CUBN: variants seen among roughly 807,000 people sequenced by gnomAD.
The protein encoded by CUBN is cubilin.
A neutral mutation model predicts 405.3 loss-of-function variants in CUBN; 282 were observed. The observed-to-expected ratio is 0.70, with a 90% CI of 0.63 to 0.77. The LOEUF (loss-of-function observed/expected upper bound fraction) is 0.77, where lower values mean the gene tolerates loss of function less well. Among genes scored for constraint, CUBN ranks in the 30% least tolerant of loss-of-function variants. CUBN has a pLI of 0.00. For synonymous variants in CUBN, 1,684 were observed against 1,617.0 expected, an observed-to-expected ratio of 1.04 and a Z score of -0.99; for missense variants, 4,514 against 4,475.2, an observed-to-expected ratio of 1.01 and a Z score of -0.25.
At chr10:16,860,488 A>G (rs1839982938) in intron 59 of CUBN, among the ~76,000 whole-genome samples, 1 of 152,342 alleles carries the variant, frequency 6.6e-6, no homozygotes, top group South Asian at 2.1e-4. Flanking sequence ...AAAATAAAAA[A>G]GAGCAAAACT....
chr10:17,019,804 A>G, intron 28 of CUBN, 29 bp downstream of exon 28: 1 of 1,613,992 alleles, frequency 6.2e-7, no homozygotes, highest in South Asian at 1.1e-5. Flanking sequence ...AGCAACTGCA[A>G]ATACAACTGA....
At chr10:16,952,172 G>T in intron 33 of CUBN, 104 bp downstream of exon 33, 1 of 794,996 alleles carries the variant, frequency 1.3e-6, no homozygotes, top group Non-Finnish European at 2.2e-6. Flanking sequence ...GAAGAGGAAG[G>T]CCATCGATTG....
chr10:16,874,384 T>A lies in CUBN; in HGVS notation c.9226A>T (p.Ile3076Phe), dbSNP rs557149286. 6.2e-7 allele frequency: 1 copy of A among 1,614,182 alleles called. No homozygotes were observed. Among genetic ancestry groups the A allele is most frequent in the South Asian group, 1.1e-5 (1 of 91,088 alleles). Residue 3076 changes from isoleucine (I) to phenylalanine (F), a missense_variant, in exon 58 of 67, where the codon ATC (isoleucine) becomes TTC (phenylalanine). Around this residue, in one of 5 missense-constraint regions of CUBN, gnomAD observed 1,186 missense variants for 1,186.9 expected, o/e 1.00. Coordinates refer to ENST00000377833, the MANE Select transcript of CUBN (RefSeq NM_001081.4). ...YTITVSDDKV[I>F]ELKFSDFDVV... Reference sequence around the variant, plus strand: ...ATTTGTCTTACGTACTTGAGCTCGATCACCTTGTCGTCACTAACGGTGATG... The same window carrying A: ...ATTTGTCTTACGTACTTGAGCTCGAACACCTTGTCGTCACTAACGGTGATG...
intron 38 of CUBN, 56 bp from the exon 39 acceptor site, chr10:16,937,840 A>C (rs1842560286): frequency 6.7e-7 from 1 of 1,502,142 alleles, no homozygotes. Context: ...TCTTCATAAA[A>C]AGATAAAATA....
At chr10:16,977,367 G>A (rs1290223945) in intron 31 of CUBN, among the ~76,000 whole-genome samples, 1 of 152,140 alleles carries the variant, frequency 6.6e-6, no homozygotes, top group Non-Finnish European at 1.5e-5. Context: ...CAGATAAATA[G>A]AAGAGCAGAG....
intron 10 of CUBN, among the ~76,000 whole-genome samples, chr10:17,108,381 A>ATGTGTG (rs34953406): frequency 1.9e-4 from 28 of 150,984 alleles, no homozygotes; most frequent in Admixed American, 1.2e-3. Flanking sequence ...TCACAAGTAT[A>ATGTGTG]TGTGTGTGTG....
chr10:16,829,725 C>A (rs183384529), intron 65 of CUBN, among the ~76,000 whole-genome samples: 1 of 152,232 alleles, frequency 6.6e-6, no homozygotes, highest in African/African-American at 2.4e-5. Flanking sequence ...TTACAGAGCA[C>A]GTGGCTGGGC....
rs746591205 is a variant in CUBN at position 16,982,493 on chromosome 10, A to G, written c.4686T>C (p.Ser1562=). 2 of 1,613,388 alleles carry G rather than the reference A, an allele frequency of 1.2e-6. No homozygotes were observed. The change falls in exon 31 of 67, where the codon TCT becomes TCC. Residue 1562 remains serine, a synonymous_variant. Transcript: ENST00000377833. ...AATTTATGTCACTTACCATAATACAAGAGTCTTGTGGTTCAAGATCAAAGT... is the reference window on the plus strand; with the variant it reads ...AATTTATGTCACTTACCATAATACAGGAGTCTTGTGGTTCAAGATCAAAGT... ...FTDFDLEPQD[S]CIMAYDGLSS...
chr10:16,994,332 T>C (rs1292594081), intron 28 of CUBN, among the ~76,000 whole-genome samples: 1 of 152,238 alleles, frequency 6.6e-6, no homozygotes, highest in Non-Finnish European at 1.5e-5. Flanking sequence ...CATGTCTTCT[T>C]GCAAGTTATT....
At position 16,876,899 on chromosome 10, in the gene CUBN, A is replaced by T; in HGVS notation, c.9104T>A (p.Ile3035Asn). The T allele has an allele frequency of 6.2e-7, 1 of 1,613,692 alleles. No homozygotes were observed. The highest frequency in any genetic ancestry group is 8.5e-7 in the Non-Finnish European group (1 of 1,179,630). Residue 3035 changes from isoleucine (I) to asparagine (N), a missense_variant and splice_region_variant, in exon 57 of 67, where the codon ATC (isoleucine) becomes AAC (asparagine). Transcript: ENST00000377833. ...DFGFKFSYRIISCGGVFNFSS... is the reference protein window; with the variant it reads ...DFGFKFSYRINSCGGVFNFSS... ...ACTCTGTCATTATGGCTACTCACAG[A>T]TTATCCTATAGGAAAACTTGAATCC...
rs1196163777 is a variant in CUBN, at chr10:16,947,241, G to C, written c.5336C>G (p.Ser1779Cys). The part of the protein sequence containing the change: ...VSSPGNRLQL[S>C]FISFQLEDSQ... Reference sequence around the variant, plus strand: ...ACCATAAAAAAGGATTTACATAAAAGACAGCTGGAGCCGGTTGCCAGGGGA... The same window carrying C: ...ACCATAAAAAAGGATTTACATAAAACACAGCTGGAGCCGGTTGCCAGGGGA... Residue 1779 changes from serine (S) to cysteine (C), a missense_variant, in exon 36 of 67, where the codon TCT becomes TGT. Physicochemically the swap from Ser to Cys is moderately radical, Grantham distance 112. This residue lies in a region of CUBN where 1,613 missense variants were observed against 1,542.8 expected (regional missense o/e 1.05). Transcript: ENST00000377833. The C allele has an allele frequency of 1.2e-6, 2 of 1,614,100 alleles. No individual in the cohort carries two copies. The highest frequency in any genetic ancestry group is 2.2e-5 in the South Asian group (2 of 91,086).
intron 17 of CUBN, among the ~76,000 whole-genome samples, chr10:17,078,951 G>A (rs1319974123): frequency 2.0e-5 from 3 of 152,114 alleles, no homozygotes; most frequent in African/African-American, 7.2e-5. Context: ...TTCTACATGA[G>A]CATGCAACTC....
chr10:17,084,612 T>C, intron 16 of CUBN, 151 bp from the exon 17 acceptor site: 1 of 739,260 alleles, frequency 1.4e-6, no homozygotes, highest in South Asian at 1.5e-5. Flanking sequence ...GCCTCTAATT[T>C]TAAGATTTTC....
Position 16,874,520 on chromosome 10 carries a change from G to C in CUBN, c.9107-17C>G. 6.2e-7 allele frequency: 1 copy of C among 1,614,006 alleles called. No homozygotes were observed. Among genetic ancestry groups the C allele is most frequent in the Non-Finnish European group, 8.5e-7 (1 of 1,179,938 alleles). ...CACCACAGGCTGCAACAGAAGACAAGGGAATATGAAGAGAACAACGATTAG... is the reference window on the plus strand; with the variant it reads ...CACCACAGGCTGCAACAGAAGACAACGGAATATGAAGAGAACAACGATTAG... On this transcript the variant is annotated splice_polypyrimidine_tract_variant and intron_variant, in intron 57 of 66. Transcript: ENST00000377833.
Position 16,954,543 on chromosome 10 carries a change from G to A in CUBN, c.4701C>T (p.Tyr1567=), listed in dbSNP as rs113941731. The change falls in exon 32 of 67, where the codon TAC becomes TAT. Residue 1567 remains tyrosine, a synonymous_variant. Coordinates refer to ENST00000377833, the MANE Select transcript of CUBN (RefSeq NM_001081.4). The stretch of plus-strand genomic sequence containing the variant: ...GGGACATTGTGGAGCTTAAGCCATC[G>A]TATGCCTACAAGAAAGGAGACAGGG... ...LEPQDSCIMA[Y]DGLSSTMSRL... 101 of 1,613,436 alleles carry A rather than the reference G, an allele frequency of 6.3e-5. No individual in the cohort carries two copies. The African/African-American group carries it at 7.5e-4, about 12-fold the overall frequency.
intron 28 of CUBN, among the ~76,000 whole-genome samples, chr10:17,008,831 G>C (rs1834101319): frequency 6.6e-6 from 1 of 152,142 alleles, no homozygotes; most frequent in South Asian, 2.1e-4. Flanking sequence ...CTGTAGAGTA[G>C]AAACCAGGCC....
In CUBN at chr10:16,925,609, G is replaced by A; in HGVS notation, c.6437C>T (p.Ser2146Phe). ...QPFQIPNGDS[S>F]CNQGDYLVLR... ...CACCAAGTAATCCCCCTGGTTGCAA[G>A]AAGAATCTCCATTTGGAATCTGGAA... is the stretch of plus-strand genomic sequence containing the variant. Residue 2146 changes from serine (S) to phenylalanine (F), a missense_variant, in exon 42 of 67, where the codon TCT (serine) becomes TTT (phenylalanine). This residue lies in a region of CUBN where 1,613 missense variants were observed against 1,542.8 expected (regional missense o/e 1.05). Transcript: ENST00000377833. The A allele has an allele frequency of 1.2e-6, 2 of 1,614,042 alleles. No homozygotes were observed. Among genetic ancestry groups the A allele is most frequent in the Non-Finnish European group, 1.7e-6 (2 of 1,179,966 alleles).
Position 17,056,598 on chromosome 10 carries a change from G to C in CUBN, c.3139+8910C>G, listed in dbSNP as rs1564497508. Among the ~76,000 whole-genome samples, 3 of 151,790 alleles carry C rather than the reference G, an allele frequency of 2.0e-5. 1 individual carries two copies. The highest frequency in any genetic ancestry group is 2.0e-4 in the Admixed American group (3 of 15,236). ...GACTCCAGCCTGGGCGACAGAGTGA[G>C]ACTCCGTCTCAAAAAAAAAACAACT... is the stretch of plus-strand genomic sequence containing the variant. On this transcript the variant is annotated intron_variant, in intron 22 of 66. Coordinates refer to ENST00000377833, the MANE Select transcript of CUBN (RefSeq NM_001081.4).
intron 27 of CUBN, among the ~76,000 whole-genome samples, chr10:17,032,960 C>A (rs933490951): frequency 2.0e-5 from 3 of 152,160 alleles, no homozygotes; most frequent in Non-Finnish European, 4.4e-5. Context: ...ATCATTCGAT[C>A]TCATGCTTCC....
Sources: allele counts gnomAD v4.1 joint callset (sites outside exome capture counted in the v4.1 genomes callset), GRCh38; gene constraint gnomAD v4.1.1; regional missense constraint gnomAD v4.1.1; transcripts MANE v1.5; gene names NCBI Gene and HGNC (gene_info 2026-07-23, HGNC 2026-07-21).